PRSS58: variants seen among roughly 807,000 people sequenced by gnomAD.
PRSS58 encodes the protein protease, serine 58.
PRSS58 carries 31 observed loss-of-function variants against 25.0 expected under a neutral mutation model. The ratio of observed to expected loss-of-function variants is 1.24; its 90% CI spans 0.93 to 1.67. The LOEUF (loss-of-function observed/expected upper bound fraction) is 1.67, where lower values mean the gene tolerates loss of function less well. Among genes scored for constraint, PRSS58 ranks in the 40% most tolerant of loss-of-function variants. PRSS58 has a pLI of 0.00. For synonymous variants in PRSS58, 119 were observed against 106.1 expected, an observed-to-expected ratio of 1.12 and a Z score of -0.75; for missense variants, 324 against 287.9, an observed-to-expected ratio of 1.13 and a Z score of -0.91.
chr7:142,257,207 G>C (rs1337489347), intron 2 of PRSS58, among the ~76,000 whole-genome samples: 1 of 152,262 alleles, frequency 6.6e-6, no homozygotes, highest in Non-Finnish European at 1.5e-5. Context: ...GGTGAGATGT[G>C]ATTGAATTTA....
chr7:142,257,870 A>T, intron 1 of PRSS58, 121 bp downstream of exon 1: 1 of 642,910 alleles, frequency 1.6e-6, no homozygotes, highest in Non-Finnish European at 2.8e-6. Context: ...CATTATTCAG[A>T]GGAGAGTGTA....
chr7:142,257,664 T>A lies in PRSS58; in HGVS notation c.40+4A>T. On this transcript the variant is annotated splice_donor_region_variant and intron_variant, in intron 2 of 5. Transcript: ENST00000547058. ...GGTAAAGAGACAAATATGCACACAC[T>A]CACCAGTCAGATTCAAGAGAGCCCA... 1 of 1,611,408 alleles carries A rather than the reference T, an allele frequency of 6.2e-7. No homozygotes were observed. The highest frequency in any genetic ancestry group is 8.5e-7 in the Non-Finnish European group (1 of 1,177,724).
chr7:142,256,046 T>C (rs1463141497), intron 2 of PRSS58, among the ~76,000 whole-genome samples: 1 of 152,150 alleles, frequency 6.6e-6, no homozygotes, highest in African/African-American at 2.4e-5. Flanking sequence ...CTTTAATAAG[T>C]CTTATCTCTT....
At chr7:142,253,647 G>A (rs147374400) in intron 4 of PRSS58, among the ~76,000 whole-genome samples, 47 of 152,166 alleles carry the variant, frequency 3.1e-4, no homozygotes, top group African/African-American at 9.9e-4. Flanking sequence ...TAATGTATTA[G>A]TTCTTGAAAA....
At chr7:142,254,886 T>TA (rs11415916) in intron 4 of PRSS58, among the ~76,000 whole-genome samples, 169 bp downstream of exon 4, 27,573 of 151,312 alleles carry the variant, frequency 0.18, 3,362 homozygotes, top group African/African-American at 0.34. Flanking sequence ...AGCGGGTGAA[T>TA]AAAAAAAACC....
chr7:142,253,758 T>C (rs951425839), intron 4 of PRSS58, among the ~76,000 whole-genome samples: 40 of 151,718 alleles, frequency 2.6e-4, no homozygotes, highest in African/African-American at 9.5e-4. Flanking sequence ...CTTAACTACT[T>C]GATGACCCAG....
chr7:142,257,793 T>A, intron 1 of PRSS58, 45 bp from the exon 2 acceptor site: 4 of 1,083,466 alleles, frequency 3.7e-6, no homozygotes, highest in Non-Finnish European at 5.6e-6. Context: ...AAAGCAAGAT[T>A]GTAGAATTGG....
At position 142,252,167 on chromosome 7, in the gene PRSS58, C is replaced by T. The variant is rs1398173843; in HGVS notation, c.*54G>A. On this transcript the variant is annotated 3_prime_UTR_variant, in exon 6 of 6. Coordinates refer to ENST00000547058, the MANE Select transcript of PRSS58 (RefSeq NM_001001317.5). ...GTGAGGAGTTAATTTATATTTAATT[C>T]TAAAGGTGAACGATGGGGACAAGCT... is the stretch of plus-strand genomic sequence containing the variant. The T allele has an allele frequency of 2.6e-6, 4 of 1,534,136 alleles. No homozygotes were observed. Among genetic ancestry groups the T allele is most frequent in the African/African-American group, 1.4e-5 (1 of 71,922 alleles).
rs550134381 is a variant in PRSS58 at position 142,252,566 on chromosome 7, G to T, written c.482C>A (p.Ser161Tyr). The change falls in exon 5 of 6, where the codon TCC becomes TAC. Residue 161 changes from serine to tyrosine, a missense_variant. Ser to Tyr is a moderately radical substitution (Grantham distance 144). Coordinates refer to ENST00000547058, the MANE Select transcript of PRSS58 (RefSeq NM_001001317.5). ...ATAGGCATCGCGACACTGAGGCTTG[G>T]AGATTACAGAGATGTTCACAGTTTG... ...SLQTVNISVI[S>Y]KPQCRDAYKT... 11 of 1,614,052 alleles carry T rather than the reference G, an allele frequency of 6.8e-6. No homozygotes were observed. In the Admixed American group the frequency reaches 8.3e-5, roughly 12 times the overall value.
rs1243976209 is a variant in PRSS58, at chr7:142,252,309, T to C, written c.638A>G (p.Asp213Gly). ...AACATCAGCTCTCAAAACACATCCA[T>C]CCGCAAAAGACAGGATTCCTTGAAG... is the stretch of plus-strand genomic sequence containing the variant. Reference protein sequence around the residue: ...GMLQGILSFADGCVLRADVGI... With the variant: ...GMLQGILSFAGGCVLRADVGI... Residue 213 changes from aspartate to glycine, a missense_variant, in exon 6 of 6, where the codon GAT becomes GGT. By Grantham distance (94) the Asp-to-Gly change is moderately conservative. Coordinates refer to ENST00000547058, the MANE Select transcript of PRSS58 (RefSeq NM_001001317.5). The C allele has an allele frequency of 3.1e-6, 5 of 1,614,084 alleles. No homozygotes were observed. The highest frequency in any genetic ancestry group is 4.2e-6 in the Non-Finnish European group (5 of 1,180,012).
chr7:142,253,834 G>A (rs1344380175), intron 4 of PRSS58, among the ~76,000 whole-genome samples: 1 of 151,994 alleles, frequency 6.6e-6, no homozygotes, highest in Admixed American at 6.5e-5. Flanking sequence ...TAACCCAGAT[G>A]AATCAAACAT....
chr7:142,255,577 A>T lies in PRSS58; in HGVS notation c.137T>A (p.Ile46Asn). The change falls in exon 3 of 6, where the codon ATC becomes AAC. Residue 46 changes from isoleucine (I) to asparagine (N), a missense_variant. Transcript: ENST00000547058. ...AGCTGTGATCACCCAAAGCGGGTGG[A>T]TCAGGACTCCAGCGCAGGGCAAGTA... ...SDYLPCAGVL[I>N]HPLWVITAAH... 6.2e-7 allele frequency: 1 copy of T among 1,614,098 alleles called. No homozygotes were observed. Among genetic ancestry groups the T allele is most frequent in the Non-Finnish European group, 8.5e-7 (1 of 1,179,998 alleles).
chr7:142,253,310 C>T (rs1270084070), intron 4 of PRSS58, among the ~76,000 whole-genome samples: 4 of 152,124 alleles, frequency 2.6e-5, no homozygotes, highest in Non-Finnish European at 4.4e-5. Context: ...AAAACAAAAC[C>T]GAGTATCTGC....
At chr7:142,257,263 C>T (rs1437906481) in intron 2 of PRSS58, among the ~76,000 whole-genome samples, 1 of 152,050 alleles carries the variant, frequency 6.6e-6, no homozygotes, top group Non-Finnish European at 1.5e-5. Flanking sequence ...AGAGATCAAA[C>T]GTGGGGTATG....
At chr7:142,257,853 T>G in intron 1 of PRSS58, 105 bp from the exon 2 acceptor site, 2 of 683,238 alleles carry the variant, frequency 2.9e-6, no homozygotes, top group East Asian at 2.7e-5. Flanking sequence ...GTTTTAGAAA[T>G]GGTGTCCATT....
chr7:142,252,593 A>G lies in PRSS58; in HGVS notation c.455T>C (p.Leu152Pro), dbSNP rs775563700. The change falls in exon 5 of 6, where the codon CTG becomes CCG. Residue 152 changes from leucine to proline, a missense_variant. Leu to Pro is a moderately conservative substitution (Grantham distance 98, BLOSUM62 -3). Transcript: ENST00000547058. ...GATTACAGAGATGTTCACAGTTTGC[A>G]GTGAATCGGGCTCTTTGTCTAAAGA... ...VCDIYKEPDSLQTVNISVISK... is the reference protein window; with the variant it reads ...VCDIYKEPDSPQTVNISVISK... The G allele has an allele frequency of 3.1e-6, 5 of 1,613,576 alleles. No homozygotes were observed. The highest frequency in any genetic ancestry group is 3.3e-4 in the Middle Eastern group (2 of 6,062).
At position 142,252,899 on chromosome 7, in the gene PRSS58, A is replaced by C. The variant is rs1340975050; in HGVS notation, c.437-288T>G. ...AACACTTTGTCTTAAACTTTTCTGG[A>C]AATTTGGCTGGGCACAGTGGCTCAC... On this transcript the variant is annotated intron_variant, in intron 4 of 5. Transcript: ENST00000547058. Among the ~76,000 whole-genome samples, 8 of 152,340 alleles carry C rather than the reference A, an allele frequency of 5.3e-5. No homozygotes were observed. In the East Asian group the frequency reaches 1.5e-3, roughly 29 times the overall value.
intron 4 of PRSS58, among the ~76,000 whole-genome samples, chr7:142,253,016 G>A (rs377738281): frequency 6.6e-6 from 1 of 152,190 alleles, no homozygotes; most frequent in African/African-American, 2.4e-5. Flanking sequence ...GTGAAACCCT[G>A]TCTCTACTAA....
intron 4 of PRSS58, among the ~76,000 whole-genome samples, chr7:142,254,132 A>G (rs897699478): frequency 6.6e-6 from 1 of 152,148 alleles, no homozygotes; most frequent in African/African-American, 2.4e-5. Flanking sequence ...TATGATGTAT[A>G]TTATATATAC....
Sources: gnomAD v4.1 joint callset for allele counts (sites outside exome capture counted in the v4.1 genomes callset) on GRCh38, gnomAD v4.1.1 for gene constraint, MANE v1.5 for transcripts, NCBI Gene and HGNC (gene_info 2026-07-23, HGNC 2026-07-21) for gene names.